Variants in ADARB2 observed in about 807,000 individuals in gnomAD.
The protein encoded by ADARB2 is inactive double-stranded RNA-specific editase B2.
In ADARB2, 25 loss-of-function variants were observed where a neutral mutation model predicts 62.2. That is an observed-to-expected ratio of 0.40 (90% CI 0.29 to 0.56). The LOEUF is 0.56. Ranked by LOEUF, ADARB2 falls within the 20% of genes least tolerant of loss-of-function variation. ADARB2 has a pLI of 0.43. For synonymous variants in ADARB2, 572 were observed against 500.8 expected (o/e 1.14, Z -1.90); for missense variants, 1,071 against 1,077.4 (o/e 0.99, Z 0.08).
At chr10:1,232,680 C>T (rs111164677) in intron 6 of ADARB2, among the ~76,000 whole-genome samples, 7,453 of 138,368 alleles carry the variant, frequency 0.054, 593 homozygotes, top group African/African-American at 0.19. Context: ...GTGCTTGTGA[C>T]GTGTGTGGTA....
chr10:1,287,105 T>G (rs562118312), intron 3 of ADARB2, among the ~76,000 whole-genome samples: 2 of 152,282 alleles, frequency 1.3e-5, no homozygotes, highest in South Asian at 4.2e-4. Flanking sequence ...TCACTTGAAG[T>G]TGGCCTCTGT....
chr10:1,646,844 C>T lies in ADARB2; in HGVS notation c.100+90207G>A, dbSNP rs907208369. 7.2e-5 allele frequency among the ~76,000 whole-genome samples: 11 copies of T among 152,362 alleles called. No individual in the cohort carries two copies. In the East Asian group the frequency reaches 1.5e-3, roughly 21 times the overall value. ...GAGTGTGATTGCTGTGTGCTCACCA[C>T]AAGACACCAGCAACTGAGCATGCAC... On this transcript the variant is annotated intron_variant, in intron 1 of 9. Coordinates refer to ENST00000381312, the MANE Select transcript of ADARB2 (RefSeq NM_018702.4).
At chr10:1,262,088 A>G (rs1463777141) in intron 4 of ADARB2, among the ~76,000 whole-genome samples, 15 of 139,282 alleles carry the variant, frequency 1.1e-4, no homozygotes, top group Non-Finnish European at 1.8e-4. Context: ...TGGGAATTGA[A>G]CAATGAGATC....
At chr10:1,518,469 G>A (rs968831839) in intron 1 of ADARB2, among the ~76,000 whole-genome samples, 3 of 152,186 alleles carry the variant, frequency 2.0e-5, no homozygotes, top group Non-Finnish European at 4.4e-5. Flanking sequence ...AAACAATAAC[G>A]TCCCTGGACC....
intron 1 of ADARB2, among the ~76,000 whole-genome samples, chr10:1,564,648 A>T (rs1832833404): frequency 6.6e-6 from 1 of 152,194 alleles, no homozygotes; most frequent in Admixed American, 6.5e-5. Flanking sequence ...CAGCCAAAAA[A>T]CACATGAAAA....
At chr10:1,381,913 G>A (rs541469242) in intron 1 of ADARB2, among the ~76,000 whole-genome samples, 1 of 152,232 alleles carries the variant, frequency 6.6e-6, no homozygotes, top group South Asian at 2.1e-4. Context: ...AATGAGTTTT[G>A]GAGTCTTAAT....
At chr10:1,228,955 TAG>T (rs933451119) in intron 6 of ADARB2, among the ~76,000 whole-genome samples, 1 of 152,168 alleles carries the variant, frequency 6.6e-6, no homozygotes, top group Non-Finnish European at 1.5e-5. Context: ...CTCAGAAAAC[TAG>T]AGTCTTGGAT....
intron 1 of ADARB2, among the ~76,000 whole-genome samples, chr10:1,664,562 TAAG>T (rs1366561829): frequency 1.3e-5 from 2 of 152,196 alleles, no homozygotes; most frequent in African/African-American, 2.4e-5. Context: ...TAGCAGTTGG[TAAG>T]AAGAATTGCT....
At chr10:1,420,671 G>A (rs565537867) in intron 1 of ADARB2, among the ~76,000 whole-genome samples, 1 of 150,388 alleles carries the variant, frequency 6.6e-6, no homozygotes, top group South Asian at 2.1e-4. Flanking sequence ...AACAGAGAGC[G>A]AGTGAGCACA....
At chr10:1,668,946 G>A (rs1010501172) in intron 1 of ADARB2, among the ~76,000 whole-genome samples, 1 of 152,208 alleles carries the variant, frequency 6.6e-6, no homozygotes, top group Non-Finnish European at 1.5e-5. Context: ...CACCAGCCCT[G>A]TAGGAAGGAC....
intron 3 of ADARB2, among the ~76,000 whole-genome samples, chr10:1,284,647 AAAGC>A (rs1831397334): frequency 1.3e-5 from 2 of 152,240 alleles, no homozygotes; most frequent in Non-Finnish European, 2.9e-5. Flanking sequence ...CCAAAGATCT[AAAGC>A]AAGCAAGTAG....
Position 1,597,942 on chromosome 10 carries a change from G to A in ADARB2, c.100+139109C>T, listed in dbSNP as rs576085472. On this transcript the variant is annotated intron_variant, in intron 1 of 9. Coordinates refer to ENST00000381312, the MANE Select transcript of ADARB2 (RefSeq NM_018702.4). ...ACACTGTGGAATACTATGCAGCCAT[G>A]AAAAAGAAAGAAGTCATATCTTTTA... Among the ~76,000 whole-genome samples, 11 of 152,336 alleles carry A rather than the reference G, an allele frequency of 7.2e-5. No individual in the cohort carries two copies. The South Asian group carries it at 1.2e-3, about 17-fold the overall frequency.
chr10:1,247,788 A>G lies in ADARB2; in HGVS notation c.1193-5489T>C, dbSNP rs111840473. Among the ~76,000 whole-genome samples, 61 of 152,350 alleles carry G rather than the reference A, an allele frequency of 4.0e-4. 1 individual carries two copies. Among genetic ancestry groups the G allele is most frequent in the Admixed American group, 2.2e-3 (34 of 15,312 alleles). On this transcript the variant is annotated intron_variant, in intron 4 of 9. Transcript: ENST00000381312. ...CCATGGCGGGACCACAGGCAGGTCT[A>G]GGGCCCTCATACCTATGGGGAGAAA... is the stretch of plus-strand genomic sequence containing the variant.
At chr10:1,369,360 T>A (rs1332577764) in intron 2 of ADARB2, among the ~76,000 whole-genome samples, 2 of 152,088 alleles carry the variant, frequency 1.3e-5, no homozygotes, top group African/African-American at 4.8e-5. Context: ...CACCAGGGTC[T>A]CTACTCAATA....
intron 7 of ADARB2, among the ~76,000 whole-genome samples, chr10:1,206,592 T>A (rs1274988804): frequency 6.6e-6 from 1 of 152,220 alleles, no homozygotes; most frequent in Non-Finnish European, 1.5e-5. Context: ...CTCTTGGTTC[T>A]GGGGACAGAG....
chr10:1,400,228 C>T (rs1027371893), intron 1 of ADARB2, among the ~76,000 whole-genome samples: 10 of 152,230 alleles, frequency 6.6e-5, no homozygotes, highest in African/African-American at 1.9e-4. Flanking sequence ...GGCAGAGCAG[C>T]GTGGGCTCCC....
intron 1 of ADARB2, among the ~76,000 whole-genome samples, chr10:1,551,058 AC>A: frequency 6.6e-6 from 1 of 152,350 alleles, no homozygotes; most frequent in Non-Finnish European, 1.5e-5. Context: ...TGGTGTCCTT[AC>A]AGAGCTGATG....
chr10:1,324,233 G>A (rs12360231), intron 3 of ADARB2, among the ~76,000 whole-genome samples: 34,555 of 152,206 alleles, frequency 0.23, 4,833 homozygotes, highest in Middle Eastern at 0.37. Flanking sequence ...AATGGCTGTT[G>A]TGAAAAGCAG....
chr10:1,674,064 A>T (rs1009993267), intron 1 of ADARB2, among the ~76,000 whole-genome samples: 1 of 152,278 alleles, frequency 6.6e-6, no homozygotes, highest in Non-Finnish European at 1.5e-5. Context: ...TAGCTGCTGC[A>T]ATCCCCTGAA....
Sources: allele counts gnomAD v4.1 joint callset (sites outside exome capture counted in the v4.1 genomes callset), GRCh38; gene constraint gnomAD v4.1.1; transcripts MANE v1.5; gene names NCBI Gene and HGNC (gene_info 2026-07-23, HGNC 2026-07-21).